Variants in UGT2A2 observed in about 807,000 individuals in gnomAD.
The protein encoded by UGT2A2 is UDP-glucuronosyltransferase 2A2.
UGT2A2 carries 60 observed loss-of-function variants against 50.7 expected under a neutral mutation model. That is an observed-to-expected ratio of 1.18 (90% CI 0.96 to 1.47). The LOEUF (loss-of-function observed/expected upper bound fraction) is 1.47. Among genes scored for constraint, UGT2A2 ranks in the 40% most tolerant of loss-of-function variants. The pLI is 0.00. For synonymous variants in UGT2A2, 242 were observed against 214.6 expected, an observed-to-expected ratio of 1.13 and a Z score of -1.11; for missense variants, 762 against 634.0, an observed-to-expected ratio of 1.20 and a Z score of -2.17.
At chr4:69,593,102 T>C (rs1263890631) in intron 5 of UGT2A2, among the ~76,000 whole-genome samples, 1 of 152,122 alleles carries the variant, frequency 6.6e-6, no homozygotes, top group Non-Finnish European at 1.5e-5. Flanking sequence ...AAATATATTG[T>C]ATTCAGATAA....
At chr4:69,618,737 G>A (rs1399468364) in intron 1 of UGT2A2, among the ~76,000 whole-genome samples, 1 of 151,892 alleles carries the variant, frequency 6.6e-6, no homozygotes, top group Non-Finnish European at 1.5e-5. Context: ...ATCAATCAAT[G>A]TAGAAAAGCC....
At chr4:69,620,796 A>G (rs1365832300) in intron 1 of UGT2A2, among the ~76,000 whole-genome samples, 5 of 151,906 alleles carry the variant, frequency 3.3e-5, no homozygotes, top group African/African-American at 1.2e-4. Flanking sequence ...AAACAGAAAC[A>G]TAGACAAAGG....
At chr4:69,609,361 AT>A (rs963626730) in intron 1 of UGT2A2, among the ~76,000 whole-genome samples, 3 of 151,228 alleles carry the variant, frequency 2.0e-5, no homozygotes, top group African/African-American at 7.3e-5. Flanking sequence ...TTCAGTTTTA[AT>A]TTTTTGTTTG....
chr4:69,639,504 T>C lies in UGT2A2; in HGVS notation c.137A>G (p.Lys46Arg), dbSNP rs746937729. ...PTDGSHWLNI[K>R]IILEELIQRN... is the part of the protein sequence containing the mutation. ...TTGAATCAACTCTTCTAGAATAATC[T>C]TAATATTTAACCAATGGCTACCATC... Residue 46 changes from lysine (K) to arginine (R), a missense_variant, in exon 1 of 6, where the codon AAG becomes AGG. Coordinates refer to ENST00000604629, the MANE Select transcript of UGT2A2 (RefSeq NM_001105677.2). 6.2e-7 allele frequency: 1 copy of C among 1,613,408 alleles called. No homozygotes were observed. Among genetic ancestry groups the C allele is most frequent in the Non-Finnish European group, 8.5e-7 (1 of 1,179,586 alleles).
At chr4:69,621,170 A>G (rs1720732796) in intron 1 of UGT2A2, among the ~76,000 whole-genome samples, 1 of 152,046 alleles carries the variant, frequency 6.6e-6, no homozygotes. Context: ...TAAACTTAAG[A>G]GCTTCTGCAC....
chr4:69,599,279 T>A lies in UGT2A2; in HGVS notation c.858A>T (p.Gly286=), dbSNP rs1719115079. ...AAGGTTTGGCAGGTTTGCAGTGCAA[T>A]CCTCCAACAAACTCAAAATTAGGTA... ...PYLPNFEFVG[G]LHCKPAKPLP... The change falls in exon 2 of 6, where the codon GGA becomes GGT. Residue 286 remains glycine, a synonymous_variant. Transcript: ENST00000604629. 20 of 1,613,670 alleles carry A rather than the reference T, an allele frequency of 1.2e-5. No homozygotes were observed. The highest frequency in any genetic ancestry group is 1.5e-5 in the Non-Finnish European group (18 of 1,179,888).
chr4:69,599,317 G>A lies in UGT2A2; in HGVS notation c.820C>T (p.Pro274Ser). The A allele has an allele frequency of 6.2e-7, 1 of 1,613,842 alleles. No individual in the cohort carries two copies. Among genetic ancestry groups the A allele is most frequent in the Non-Finnish European group, 8.5e-7 (1 of 1,179,932 alleles). Residue 274 changes from proline to serine, a missense_variant, in exon 2 of 6, where the codon CCT becomes TCT. Physicochemically the swap from Pro to Ser is moderately conservative, Grantham distance 74 (BLOSUM62 -1). Coordinates refer to ENST00000604629, the MANE Select transcript of UGT2A2 (RefSeq NM_001105677.2). ...TCAAAATTAGGTAAGTATGGACGAG[G>A]AAATTCAAAATCCCAATATGTTCGG... ...LIRTYWDFEF[P>S]RPYLPNFEFV...
At chr4:69,599,961 G>T (rs1157718299) in intron 1 of UGT2A2, among the ~76,000 whole-genome samples, 1 of 152,162 alleles carries the variant, frequency 6.6e-6, no homozygotes, top group Non-Finnish European at 1.5e-5. Context: ...GGCATTGCTA[G>T]CATGCCTCTC....
Position 69,626,062 on chromosome 4 carries a change from A to G in UGT2A2, c.742+12837T>C, listed in dbSNP as rs749110777. On this transcript the variant is annotated intron_variant, in intron 1 of 5. Transcript: ENST00000604629. ...ACTGTGAACTTGTCTGTTTAATAAT[A>G]TGCTATTTGTTGCTCTCAGTCATAT... is the stretch of plus-strand genomic sequence containing the variant. Among the ~76,000 whole-genome samples the G allele has an allele frequency of 6.6e-4, 100 of 151,676 alleles. 3 individuals carry two copies. Among genetic ancestry groups the G allele is most frequent in the Middle Eastern group, 3.4e-3 (1 of 292 alleles).
intron 3 of UGT2A2, among the ~76,000 whole-genome samples, chr4:69,595,571 G>T (rs1309404014): frequency 6.6e-6 from 1 of 152,130 alleles, no homozygotes; most frequent in Non-Finnish European, 1.5e-5. Context: ...AAATCATGAA[G>T]AGTGTTATGT....
intron 1 of UGT2A2, among the ~76,000 whole-genome samples, chr4:69,613,933 C>T (rs938770384): frequency 6.6e-6 from 1 of 151,978 alleles, no homozygotes; most frequent in Non-Finnish European, 1.5e-5. Flanking sequence ...AGGATATGTG[C>T]TTTCACAACT....
intron 1 of UGT2A2, among the ~76,000 whole-genome samples, chr4:69,610,242 A>G (rs543126204): frequency 7.9e-6 from 1 of 127,326 alleles, no homozygotes; most frequent in African/African-American, 3.1e-5. Context: ...TAATTCTGCC[A>G]TTACAAAAAA....
At chr4:69,595,380 G>T (rs1718862402) in intron 3 of UGT2A2, 131 bp from the exon 4 acceptor site, 3 of 983,226 alleles carry the variant, frequency 3.1e-6, no homozygotes, top group Non-Finnish European at 3.0e-6. Context: ...GTTTACAAAC[G>T]TTGAGATACG....
chr4:69,638,491 T>C (rs1250817332), intron 1 of UGT2A2, among the ~76,000 whole-genome samples: 2 of 152,124 alleles, frequency 1.3e-5, no homozygotes, highest in Middle Eastern at 3.2e-3. Context: ...GATTCTATGC[T>C]TTTCAAAGCT....
intron 1 of UGT2A2, among the ~76,000 whole-genome samples, chr4:69,616,322 A>G (rs1720381012): frequency 6.6e-6 from 1 of 152,016 alleles, no homozygotes; most frequent in African/African-American, 2.4e-5. Flanking sequence ...TTGATAGCAC[A>G]ATAGGATGAC....
intron 2 of UGT2A2, among the ~76,000 whole-genome samples, chr4:69,598,364 G>T (rs1211896290): frequency 6.6e-6 from 1 of 152,024 alleles, no homozygotes; most frequent in African/African-American, 2.4e-5. Flanking sequence ...TAAATACATT[G>T]TTCCTACCAT....
At chr4:69,619,146 C>T (rs1720592286) in intron 1 of UGT2A2, among the ~76,000 whole-genome samples, 1 of 151,664 alleles carries the variant, frequency 6.6e-6, no homozygotes, top group African/African-American at 2.4e-5. Context: ...GCCTACAATC[C>T]CAGTACTTTG....
chr4:69,598,061 A>G (rs1329616331), intron 2 of UGT2A2, among the ~76,000 whole-genome samples: 1 of 152,154 alleles, frequency 6.6e-6, no homozygotes, highest in Non-Finnish European at 1.5e-5. Flanking sequence ...GTCATTATCC[A>G]GTGACCTATG....
chr4:69,625,016 C>T (rs1031987393), intron 1 of UGT2A2, among the ~76,000 whole-genome samples: 1 of 150,834 alleles, frequency 6.6e-6, no homozygotes, highest in South Asian at 2.1e-4. Context: ...AAAAAATCAG[C>T]CTTTATTTTT....
Sources: gnomAD v4.1 joint callset for allele counts (sites outside exome capture counted in the v4.1 genomes callset) on GRCh38, gnomAD v4.1.1 for gene constraint, MANE v1.5 for transcripts, NCBI Gene and HGNC (gene_info 2026-07-23, HGNC 2026-07-21) for gene names.